Variants in MCM9 observed in about 807,000 individuals in gnomAD.
The protein encoded by MCM9 is DNA helicase MCM9.
A neutral mutation model predicts 72.8 loss-of-function variants in MCM9; 55 were observed. The ratio of observed to expected loss-of-function variants is 0.76; its 90% CI spans 0.61 to 0.95. MCM9 has a LOEUF of 0.95. MCM9 is among the 40% of genes least tolerant of loss of function. The pLI is 0.00. For synonymous variants in MCM9, 480 were observed against 503.4 expected (o/e 0.95, Z 0.62); for missense variants, 1,279 against 1,377.0 (o/e 0.93, Z 1.13).
intron 8 of MCM9, among the ~76,000 whole-genome samples, chr6:118,904,251 G>C (rs1479047794): frequency 6.6e-6 from 1 of 152,194 alleles, no homozygotes; most frequent in East Asian, 1.9e-4. Context: ...CTAGATGTAG[G>C]AGATAAGGGA....
At chr6:118,929,120 T>C (rs1349889595) in intron 3 of MCM9, among the ~76,000 whole-genome samples, 1 of 152,148 alleles carries the variant, frequency 6.6e-6, no homozygotes, top group Non-Finnish European at 1.5e-5. Context: ...CTTGGGAGGC[T>C]GAGGCAGGAG....
Position 118,815,332 on chromosome 6 carries a change from G to A in MCM9, c.2924C>T (p.Thr975Ile). 2 of 1,550,474 alleles carry A rather than the reference G, an allele frequency of 1.3e-6. No homozygotes were observed. The highest frequency in any genetic ancestry group is 1.7e-6 in the Non-Finnish European group (2 of 1,146,826). The change falls in exon 14 of 14, where the codon ACA becomes ATA. Residue 975 changes from threonine to isoleucine, a missense_variant. Physicochemically the swap from Thr to Ile is moderately conservative, Grantham distance 89 (BLOSUM62 -1). Transcript: ENST00000619706. ...GGAGATCTGGTTTCCTGGGGTAGAT[G>A]TTAACTTTCCTGGACGCTTCACCGG... ...ALPVKRPGKLTSTPGNQISSQ... is the reference protein window; with the variant it reads ...ALPVKRPGKLISTPGNQISSQ...
chr6:118,931,246 T>C (rs1782401413), intron 3 of MCM9, among the ~76,000 whole-genome samples, 174 bp downstream of exon 3: 1 of 152,216 alleles, frequency 6.6e-6, no homozygotes, highest in Admixed American at 6.5e-5. Flanking sequence ...GACTCATACT[T>C]CATGCCCACA....
chr6:118,836,176 C>T (rs1774943280), intron 9 of MCM9, among the ~76,000 whole-genome samples: 1 of 152,146 alleles, frequency 6.6e-6, no homozygotes, highest in Admixed American at 6.5e-5. Context: ...GTTGAACCAG[C>T]CTTGCATCCC....
At chr6:118,898,932 G>C (rs140662973) in intron 8 of MCM9, among the ~76,000 whole-genome samples, 2 of 152,186 alleles carry the variant, frequency 1.3e-5, no homozygotes, top group African/African-American at 4.8e-5. Context: ...ATCATTGACA[G>C]GTTCCAAATT....
intron 8 of MCM9, chr6:118,894,006 C>T: frequency 1.0e-6 from 1 of 986,210 alleles, no homozygotes; most frequent in Non-Finnish European, 1.2e-6. Flanking sequence ...GCGCGGGCCT[C>T]CCAGCCCTTA....
intron 13 of MCM9, among the ~76,000 whole-genome samples, chr6:118,819,887 G>T (rs1476871458): frequency 3.3e-5 from 5 of 152,164 alleles, no homozygotes; most frequent in African/African-American, 1.2e-4. Flanking sequence ...ATTTCTTCTA[G>T]ATTTTCTAAC....
intron 3 of MCM9, among the ~76,000 whole-genome samples, chr6:118,927,868 T>C (rs1430005425): frequency 6.6e-6 from 1 of 152,216 alleles, no homozygotes; most frequent in Non-Finnish European, 1.5e-5. Flanking sequence ...GCCCCATTGC[T>C]TCTAGAGTAA....
chr6:118,907,785 A>G (rs935808699), intron 8 of MCM9: 1 of 548,728 alleles, frequency 1.8e-6, no homozygotes. Context: ...ATATAAATAC[A>G]ACTATTTTTA....
intron 8 of MCM9, among the ~76,000 whole-genome samples, chr6:118,883,069 C>CAAAAAAAAAAAA (rs36162403): frequency 2.2e-5 from 1 of 46,156 alleles, no homozygotes; most frequent in African/African-American, 7.4e-5. Context: ...CTCAAAGATG[C>CAAAAAAAAAAAA]AAAAAAAAAA....
intron 7 of MCM9, 67 bp downstream of exon 7, chr6:118,913,228 G>T: frequency 6.4e-7 from 1 of 1,564,530 alleles, no homozygotes; most frequent in Admixed American, 1.9e-5. Flanking sequence ...TTTTTATTTG[G>T]GAAAGAAAAA....
At chr6:118,922,339 C>G (rs948426622) in intron 4 of MCM9, among the ~76,000 whole-genome samples, 1 of 152,098 alleles carries the variant, frequency 6.6e-6, no homozygotes, top group Non-Finnish European at 1.5e-5. Context: ...TCAAAGTAAA[C>G]GTATGCTCCA....
chr6:118,873,450 C>A (rs1471259249), intron 8 of MCM9, among the ~76,000 whole-genome samples: 2 of 151,770 alleles, frequency 1.3e-5, no homozygotes, highest in Non-Finnish European at 2.9e-5. Context: ...AATGAAAGAA[C>A]CTCACTACAG....
intron 13 of MCM9, among the ~76,000 whole-genome samples, chr6:118,818,241 C>T (rs988905186): frequency 1.3e-5 from 2 of 152,236 alleles, no homozygotes; most frequent in East Asian, 3.9e-4. Flanking sequence ...AGGTTTTCTT[C>T]TAGGGTTTTT....
At position 118,924,058 on chromosome 6, in the gene MCM9, G is replaced by C; in HGVS notation, c.374C>G (p.Ser125Cys). ...PKTKDVGHFL[S>C]VTGTVIRTSL... The stretch of plus-strand genomic sequence containing the variant: ...TGTTCGAATCACTGTCCCAGTGACA[G>C]ATAAAAAGTGTCCCACATCCTTGGT... Residue 125 changes from serine to cysteine, a missense_variant, in exon 4 of 14, where the codon TCT (serine) becomes TGT (cysteine). Physicochemically the swap from Ser to Cys is moderately radical, Grantham distance 112 (BLOSUM62 -1). Transcript: ENST00000619706. The C allele has an allele frequency of 6.2e-7, 1 of 1,614,192 alleles. No homozygotes were observed. The highest frequency in any genetic ancestry group is 8.5e-7 in the Non-Finnish European group (1 of 1,180,032).
chr6:118,914,201 T>G (rs1157825918), intron 6 of MCM9, among the ~76,000 whole-genome samples: 2 of 152,194 alleles, frequency 1.3e-5, no homozygotes, highest in Non-Finnish European at 2.9e-5. Flanking sequence ...ACCCTAGCAG[T>G]GTAAGTATGA....
At chr6:118,871,639 A>G (rs991789709) in intron 8 of MCM9, among the ~76,000 whole-genome samples, 1 of 152,230 alleles carries the variant, frequency 6.6e-6, no homozygotes, top group African/African-American at 2.4e-5. Context: ...AAAGAAGGCC[A>G]GGCACGGTGG....
At chr6:118,824,613 C>T (rs1774046120) in intron 13 of MCM9, among the ~76,000 whole-genome samples, 1 of 152,152 alleles carries the variant, frequency 6.6e-6, no homozygotes, top group African/African-American at 2.4e-5. Flanking sequence ...CCCGCCTGCA[C>T]TCTGTTTTGA....
intron 9 of MCM9, among the ~76,000 whole-genome samples, chr6:118,842,252 A>G (rs1263832497): frequency 6.6e-6 from 1 of 152,232 alleles, no homozygotes; most frequent in African/African-American, 2.4e-5. Flanking sequence ...TCTTCAACAA[A>G]TATTGAGGAT....
Sources: gnomAD v4.1 joint callset for allele counts (sites outside exome capture counted in the v4.1 genomes callset) on GRCh38, gnomAD v4.1.1 for gene constraint, MANE v1.5 for transcripts, NCBI Gene and HGNC (gene_info 2026-07-23, HGNC 2026-07-21) for gene names.